SPEF2: variants seen among roughly 807,000 people sequenced by gnomAD.
SPEF2 encodes the protein sperm flagellar and cilia associated 2, also known as sperm flagella and cilia-associated protein 2.
A neutral mutation model predicts 224.6 loss-of-function variants in SPEF2; 187 were observed. The observed-to-expected ratio is 0.83, with a 90% CI of 0.74 to 0.94. The LOEUF (loss-of-function observed/expected upper bound fraction) is 0.94. SPEF2 is among the 40% of genes least tolerant of loss of function. The pLI is 0.00. For synonymous variants in SPEF2, 715 were observed against 707.3 expected, an observed-to-expected ratio of 1.01 and a Z score of -0.17; for missense variants, 2,170 against 2,135.6, an observed-to-expected ratio of 1.02 and a Z score of -0.32.
intron 30 of SPEF2, 31 bp downstream of exon 30, chr5:35,779,377 CA>C (rs1754018110): frequency 5.9e-6 from 9 of 1,524,374 alleles, no homozygotes; most frequent in East Asian, 2.3e-5. Flanking sequence ...GAAAAGAGCA[CA>C]AAAAAAGGTT....
chr5:35,753,519 T>C, intron 23 of SPEF2, 105 bp from the exon 24 acceptor site: 1 of 1,503,066 alleles, frequency 6.7e-7, no homozygotes, highest in Non-Finnish European at 9.1e-7. Flanking sequence ...GTAAAATTTC[T>C]TTAGAGACAT....
At chr5:35,788,609 C>A (rs548922225) in intron 30 of SPEF2, 83 of 702,834 alleles carry the variant, frequency 1.2e-4, no homozygotes, top group Non-Finnish European at 1.9e-4. Flanking sequence ...TGAGAAAACT[C>A]TAGAGATAAA....
chr5:35,791,749 G>C (rs1418800253), intron 30 of SPEF2, among the ~76,000 whole-genome samples: 1 of 152,102 alleles, frequency 6.6e-6, no homozygotes, highest in Non-Finnish European at 1.5e-5. Flanking sequence ...ATTTTAAAAG[G>C]TTAGTAGTCT....
rs567644626 is a variant in SPEF2, at chr5:35,737,337, A to G, written c.3064-2582A>G. Reference sequence around the variant, plus strand: ...CATTAACTCATCATTTACATTAGGTATATCTCCTAATGCTATCCCTCCTCC... The same window carrying G: ...CATTAACTCATCATTTACATTAGGTGTATCTCCTAATGCTATCCCTCCTCC... On this transcript the variant is annotated intron_variant, in intron 21 of 36. Coordinates refer to ENST00000356031, the MANE Select transcript of SPEF2 (RefSeq NM_024867.4). 2.0e-5 allele frequency among the ~76,000 whole-genome samples: 3 copies of G among 149,518 alleles called. No individual in the cohort carries two copies. The South Asian group carries it at 6.6e-4, about 33-fold the overall frequency.
chr5:35,747,705 G>A (rs999192326), intron 23 of SPEF2, among the ~76,000 whole-genome samples: 8 of 152,064 alleles, frequency 5.3e-5, no homozygotes, highest in African/African-American at 1.9e-4. Flanking sequence ...ACAGACCTAA[G>A]AAATGAGATA....
chr5:35,688,161 G>A (rs754293174), intron 10 of SPEF2, among the ~76,000 whole-genome samples: 1 of 152,176 alleles, frequency 6.6e-6, no homozygotes, highest in Non-Finnish European at 1.5e-5. Context: ...AGCACTAGCA[G>A]CAGTTCAGGT....
intron 10 of SPEF2, among the ~76,000 whole-genome samples, chr5:35,673,375 A>T (rs1481740292): frequency 6.6e-6 from 1 of 152,242 alleles, no homozygotes; most frequent in African/African-American, 2.4e-5. Context: ...GTTGCAATTC[A>T]TAGCGTTTCA....
At position 35,740,125 on chromosome 5, in the gene SPEF2, A is replaced by G. The variant is rs1747357118; in HGVS notation, c.3192-4A>G. The G allele has an allele frequency of 6.2e-7, 1 of 1,614,150 alleles. No homozygotes were observed. The highest frequency in any genetic ancestry group is 8.5e-7 in the Non-Finnish European group (1 of 1,180,016). ...AATTTATCTCATTCTATTAATGTCT[A>G]CAGAACAAGTTTCCAGGAGTTTCTA... On this transcript the variant is annotated splice_region_variant and splice_polypyrimidine_tract_variant and intron_variant, in intron 22 of 36. Coordinates refer to ENST00000356031, the MANE Select transcript of SPEF2 (RefSeq NM_024867.4).
chr5:35,709,442 T>C (rs1218606200), intron 19 of SPEF2: 2 of 1,073,278 alleles, frequency 1.9e-6, no homozygotes, highest in African/African-American at 3.4e-5. Context: ...TACACGTCTG[T>C]GTGCTGAACT....
chr5:35,674,527 CT>C (rs1419554381), intron 10 of SPEF2, among the ~76,000 whole-genome samples: 1 of 109,770 alleles, frequency 9.1e-6, no homozygotes. Context: ...TCCCTCCCCC[CT>C]CCCCCGACCC....
chr5:35,688,542 G>A (rs1398369885), intron 10 of SPEF2, among the ~76,000 whole-genome samples: 5 of 151,908 alleles, frequency 3.3e-5, no homozygotes, highest in African/African-American at 4.8e-5. Flanking sequence ...ACCTATTAAT[G>A]CATATAGTAC....
intron 20 of SPEF2, among the ~76,000 whole-genome samples, chr5:35,719,333 T>C (rs6897149): frequency 0.78 from 118,901 of 152,150 alleles, 46,608 homozygotes; most frequent in East Asian, 0.85. Flanking sequence ...CTCTCCCATC[T>C]TCATTTTTGT....
intron 8 of SPEF2, 56 bp from the exon 9 acceptor site, chr5:35,667,016 A>G: frequency 2.7e-6 from 4 of 1,474,352 alleles, no homozygotes; most frequent in Non-Finnish European, 3.6e-6. Flanking sequence ...AAATGATGAC[A>G]TTATTTTTAT....
chr5:35,715,007 C>T (rs1482212744), intron 20 of SPEF2, among the ~76,000 whole-genome samples: 1 of 151,878 alleles, frequency 6.6e-6, no homozygotes, highest in African/African-American at 2.4e-5. Context: ...CCTTGACCTC[C>T]TAGGACCAAG....
chr5:35,713,787 AGTGT>A (rs1741758038), intron 20 of SPEF2, among the ~76,000 whole-genome samples: 1 of 70,368 alleles, frequency 1.4e-5, no homozygotes, highest in African/African-American at 5.8e-5. Flanking sequence ...TATTATATAT[AGTGT>A]TATATATTTT....
chr5:35,763,984 T>A (rs539940706), intron 26 of SPEF2, among the ~76,000 whole-genome samples: 19 of 152,160 alleles, frequency 1.2e-4, no homozygotes, highest in African/African-American at 4.3e-4. Flanking sequence ...GTGGGTCAAG[T>A]GTAAGACAAT....
intron 19 of SPEF2, 76 bp downstream of exon 19, chr5:35,709,197 T>C (rs1341068374): frequency 6.3e-7 from 1 of 1,575,366 alleles, no homozygotes; most frequent in South Asian, 1.2e-5. Context: ...AATTATAGTC[T>C]ATCTACATTC....
intron 23 of SPEF2, among the ~76,000 whole-genome samples, chr5:35,747,648 T>C (rs1201497914): frequency 6.6e-6 from 1 of 152,110 alleles, no homozygotes; most frequent in Non-Finnish European, 1.5e-5. Flanking sequence ...ATCCTAAACA[T>C]ATATGCACCT....
chr5:35,740,078 A>C, intron 22 of SPEF2, 32 bp downstream of exon 22: 2 of 1,614,018 alleles, frequency 1.2e-6, no homozygotes, highest in Non-Finnish European at 1.7e-6. Flanking sequence ...AGAATTTTAC[A>C]GTTTAGAGGC....
Sources: gnomAD v4.1 joint callset for allele counts (sites outside exome capture counted in the v4.1 genomes callset) on GRCh38, gnomAD v4.1.1 for gene constraint, MANE v1.5 for transcripts, NCBI Gene and HGNC (gene_info 2026-07-23, HGNC 2026-07-21) for gene names.